Variants in PTDSS2 observed in about 807,000 individuals in gnomAD.
PTDSS2 encodes the protein PSS-2.
In PTDSS2, 41 loss-of-function variants were observed where a neutral mutation model predicts 64.7. The observed-to-expected ratio is 0.63, with a 90% CI of 0.49 to 0.82. PTDSS2 has a LOEUF of 0.82. Ranked by LOEUF, PTDSS2 falls within the 40% of genes least tolerant of loss-of-function variation. The probability of loss-of-function intolerance (pLI) is 0.00; values close to 1 mark genes in which losing one functional copy is unlikely to be tolerated. For synonymous variants in PTDSS2, 297 were observed against 277.8 expected, an observed-to-expected ratio of 1.07 and a Z score of -0.69; for missense variants, 485 against 650.0, an observed-to-expected ratio of 0.75 and a Z score of 2.76.
intron 1 of PTDSS2, among the ~76,000 whole-genome samples, chr11:457,748 G>T (rs1846665290): frequency 6.6e-6 from 1 of 152,152 alleles, no homozygotes; most frequent in African/African-American, 2.4e-5. Flanking sequence ...CCCACGTTTG[G>T]GAGTGTGTCT....
chr11:451,116 G>C (rs1231674647), intron 1 of PTDSS2, among the ~76,000 whole-genome samples: 3 of 152,192 alleles, frequency 2.0e-5, no homozygotes, highest in African/African-American at 7.2e-5. Context: ...CCGACCCCAC[G>C]TGGCGATCGT....
At chr11:490,398 G>A (rs1363932882) in intron 11 of PTDSS2, 22 bp from the exon 12 acceptor site, 6 of 1,613,078 alleles carry the variant, frequency 3.7e-6, no homozygotes, top group Non-Finnish European at 5.1e-6. Context: ...GGCAGGTGGT[G>A]ACGCTGCATC....
intron 5 of PTDSS2, 145 bp downstream of exon 5, chr11:487,218 G>T: frequency 9.9e-7 from 1 of 1,005,998 alleles, no homozygotes; most frequent in Non-Finnish European, 1.5e-6. Context: ...CTGTCCGTCT[G>T]GATGGTGCTC....
Position 488,655 on chromosome 11 carries a change from G to A in PTDSS2, c.854+8G>A, listed in dbSNP as rs79334295. On this transcript the variant is annotated splice_region_variant and intron_variant, in intron 8 of 11. Coordinates refer to ENST00000308020, the MANE Select transcript of PTDSS2 (RefSeq NM_030783.3). ...GAACATTCCGACCTACAAGTACGTCGTGGGGGCTGCGAGGGCAGGGCCGGG... is the reference window on the plus strand; with the variant it reads ...GAACATTCCGACCTACAAGTACGTCATGGGGGCTGCGAGGGCAGGGCCGGG... The A allele has an allele frequency of 2.2e-3, 3,515 of 1,598,356 alleles. 93 individuals carry two copies. The African/African-American group carries it at 0.042, about 19-fold the overall frequency.
chr11:460,217 C>T lies in PTDSS2; in HGVS notation c.213C>T (p.Ile71=). 1 of 1,614,220 alleles carries T rather than the reference C, an allele frequency of 6.2e-7. No homozygotes were observed. Among genetic ancestry groups the T allele is most frequent in the Non-Finnish European group, 8.5e-7 (1 of 1,180,034 alleles). The change falls in exon 2 of 12, where the codon ATC becomes ATT. Residue 71 remains isoleucine (I), a synonymous_variant. Coordinates refer to ENST00000308020, the MANE Select transcript of PTDSS2 (RefSeq NM_030783.3). This position sits in a 1 kb window ranked among gnomAD's most constrained non-coding sequence, Gnocchi z 5.8. ...CCCACACCTTAACCGTGCTCTTCAT[C>T]CTCACCTGTACGCTTGGCTATGTGA... The part of the protein sequence containing the change: ...WRAHTLTVLF[I]LTCTLGYVTL...
intron 1 of PTDSS2, among the ~76,000 whole-genome samples, chr11:453,229 A>G (rs1365557305): frequency 6.6e-6 from 1 of 152,124 alleles, no homozygotes; most frequent in East Asian, 1.9e-4. Context: ...AATTATGGGG[A>G]ACATCCAGAG....
At chr11:455,167 T>C (rs1232243335) in intron 1 of PTDSS2, among the ~76,000 whole-genome samples, 1 of 152,184 alleles carries the variant, frequency 6.6e-6, no homozygotes, top group African/African-American at 2.4e-5. Context: ...TGTCCTCACG[T>C]TGATCTAGCT....
rs1334275628 is a variant in PTDSS2, at chr11:461,642, T to G, written c.284+1354T>G. ...AGTCAGCTTTGCTGGCCCTTCCCCC[T>G]TTTTCTGAGCCTGAGGTGCCAGCTT... On this transcript the variant is annotated intron_variant, in intron 2 of 11. Transcript: ENST00000308020. This position sits in a 1 kb window ranked among gnomAD's most constrained non-coding sequence, Gnocchi z 4.2. 1.3e-5 allele frequency among the ~76,000 whole-genome samples: 2 copies of G among 152,098 alleles called. No homozygotes were observed. The highest frequency in any genetic ancestry group is 2.9e-5 in the Non-Finnish European group (2 of 67,994).
chr11:466,989 A>G (rs1799584074), intron 2 of PTDSS2, among the ~76,000 whole-genome samples: 1 of 152,116 alleles, frequency 6.6e-6, no homozygotes, highest in African/African-American at 2.4e-5. Context: ...CGGGAGGTCA[A>G]GGCTGCAGTG....
At position 462,570 on chromosome 11, in the gene PTDSS2, C is replaced by T. The variant is rs938576949; in HGVS notation, c.284+2282C>T. ...GCTCTGGGCTCCTTCCTGGAAGGCT[C>T]GGCTGCCCCAGGTCACCCTGGCACT... is the stretch of plus-strand genomic sequence containing the variant. On this transcript the variant is annotated intron_variant, in intron 2 of 11. Coordinates refer to ENST00000308020, the MANE Select transcript of PTDSS2 (RefSeq NM_030783.3). The surrounding 1 kb of genome is among the most constrained non-coding windows in gnomAD (Gnocchi z 4.5). Among the ~76,000 whole-genome samples, 8 of 152,210 alleles carry T rather than the reference C, an allele frequency of 5.3e-5. No individual in the cohort carries two copies. Among genetic ancestry groups the T allele is most frequent in the East Asian group, 3.9e-4 (2 of 5,186 alleles).
intron 7 of PTDSS2, 52 bp from the exon 8 acceptor site, chr11:488,477 G>C: frequency 6.6e-7 from 1 of 1,504,342 alleles, no homozygotes; most frequent in Non-Finnish European, 9.2e-7. Flanking sequence ...GGTCCTCCTC[G>C]GGGGGCTCGT....
intron 1 of PTDSS2, among the ~76,000 whole-genome samples, chr11:450,841 G>A (rs960240413): frequency 2.6e-5 from 4 of 152,138 alleles, no homozygotes; most frequent in African/African-American, 9.7e-5. Context: ...CGGGCGGAGG[G>A]CGGCGCTGTA....
intron 3 of PTDSS2, 103 bp downstream of exon 3, chr11:474,080 G>A (rs905806517): frequency 2.8e-5 from 27 of 980,616 alleles, no homozygotes; most frequent in Non-Finnish European, 3.4e-5. Context: ...CCTCCCCTCC[G>A]CCTGGCCCCT....
chr11:489,105 C>T (rs979127960), intron 8 of PTDSS2, among the ~76,000 whole-genome samples: 1 of 152,268 alleles, frequency 6.6e-6, no homozygotes, highest in Admixed American at 6.5e-5. Context: ...CGTGGAGCGC[C>T]CTCTGAGGCG....
chr11:487,338 C>G, intron 5 of PTDSS2, 82 bp from the exon 6 acceptor site: 1 of 1,328,654 alleles, frequency 7.5e-7, no homozygotes, highest in South Asian at 1.2e-5. Flanking sequence ...GCAGGTGCTG[C>G]TCAGGTGTGG....
intron 3 of PTDSS2, 47 bp downstream of exon 3, chr11:474,024 C>T (rs780045081): frequency 2.0e-6 from 3 of 1,468,304 alleles, no homozygotes; most frequent in African/African-American, 2.8e-5. Context: ...CATTTCTGTT[C>T]TGAGCGGCCA....
rs1005095211 is a variant in PTDSS2, at chr11:462,734, T to C, written c.284+2446T>C. ...CCACCCTACCTGCCCCTACGCAGGG[T>C]GTCCACACAGAGGGTGTCCGCACAC... is the stretch of plus-strand genomic sequence containing the variant. On this transcript the variant is annotated intron_variant, in intron 2 of 11. Coordinates refer to ENST00000308020, the MANE Select transcript of PTDSS2 (RefSeq NM_030783.3). This position sits in a 1 kb window ranked among gnomAD's most constrained non-coding sequence, Gnocchi z 4.5. 2.6e-5 allele frequency among the ~76,000 whole-genome samples: 4 copies of C among 152,154 alleles called. No homozygotes were observed. The highest frequency in any genetic ancestry group is 9.7e-5 in the African/African-American group (4 of 41,442).
At chr11:468,015 G>T (rs1396236231) in intron 2 of PTDSS2, among the ~76,000 whole-genome samples, 1 of 151,866 alleles carries the variant, frequency 6.6e-6, no homozygotes, top group Non-Finnish European at 1.5e-5. Context: ...ACACACACAT[G>T]GTCCCACCTG....
upstream of PTDSS2, chr11:448,388 G>A (rs975567709): frequency 6.6e-6 from 1 of 152,464 alleles, no homozygotes; most frequent in Admixed American, 6.5e-5. Flanking sequence ...CGCAGGAAAT[G>A]ACCCCAACGC....
Sources: gnomAD v4.1 joint callset for allele counts (sites outside exome capture counted in the v4.1 genomes callset) on GRCh38, gnomAD v4.1.1 for gene constraint, Gnocchi (gnomAD v3.1) non-coding constraint, MANE v1.5 for transcripts, NCBI Gene and HGNC (gene_info 2026-07-23, HGNC 2026-07-21) for gene names.